Variants in ARSK observed in about 807,000 individuals in gnomAD.
ARSK encodes arylsulfatase family member K.
Under a neutral mutation model 53.2 loss-of-function variants are expected in ARSK, and 37 were observed. The observed-to-expected ratio is 0.70, with a 90% CI of 0.54 to 0.92. The LOEUF (loss-of-function observed/expected upper bound fraction) is 0.92, where lower values mean the gene tolerates loss of function less well. Among genes scored for constraint, ARSK ranks in the 40% least tolerant of loss-of-function variants. The pLI, the probability that ARSK is intolerant of heterozygous loss-of-function variation, is 0.00. For missense variants in ARSK, 613 were observed against 643.0 expected, an observed-to-expected ratio of 0.95 and a Z score of 0.51; for synonymous variants, 208 against 223.2, an observed-to-expected ratio of 0.93 and a Z score of 0.61.
intron 3 of ARSK, among the ~76,000 whole-genome samples, chr5:95,568,451 C>G (rs1353206383): frequency 6.6e-6 from 1 of 151,640 alleles, no homozygotes; most frequent in Non-Finnish European, 1.5e-5. Context: ...TTTCATTTTA[C>G]TAAGTCCTCA....
intron 5 of ARSK, among the ~76,000 whole-genome samples, chr5:95,588,217 T>A (rs185252498): frequency 6.6e-6 from 1 of 151,774 alleles, no homozygotes; most frequent in Non-Finnish European, 1.5e-5. Context: ...TTACAAAATT[T>A]ATGGAATATA....
intron 1 of ARSK, among the ~76,000 whole-genome samples, chr5:95,559,935 T>C (rs930940495): frequency 1.3e-5 from 2 of 152,180 alleles, no homozygotes; most frequent in African/African-American, 4.8e-5. Context: ...ATCTTGTATG[T>C]AGGATTCTAC....
At chr5:95,562,550 T>C (rs1748660503) in intron 1 of ARSK, among the ~76,000 whole-genome samples, 1 of 152,238 alleles carries the variant, frequency 6.6e-6, no homozygotes, top group Non-Finnish European at 1.5e-5. Flanking sequence ...TAAACTTCTC[T>C]GATTCTGCAT....
intron 1 of ARSK, among the ~76,000 whole-genome samples, chr5:95,565,259 T>C (rs1748707058): frequency 6.6e-6 from 1 of 152,190 alleles, no homozygotes; most frequent in African/African-American, 2.4e-5. Flanking sequence ...GCCTAATTTT[T>C]TTTTGTAGAA....
intron 3 of ARSK, 138 bp downstream of exon 3, chr5:95,568,187 C>T (rs1748762537): frequency 2.2e-6 from 2 of 922,394 alleles, no homozygotes; most frequent in African/African-American, 1.7e-5. Flanking sequence ...GTTAATTAGG[C>T]TGAAATTTTA....
Position 95,598,911 on chromosome 5 carries a change from C to T in ARSK, c.1097-1936C>T, listed in dbSNP as rs541049496. ...TGTAGGGCTCACTCTAGCCCCTCCT[C>T]GGGACACTGTCTAAATGTGACCTTC... On this transcript the variant is annotated intron_variant, in intron 6 of 7. Coordinates refer to ENST00000380009, the MANE Select transcript of ARSK (RefSeq NM_198150.3). 1.4e-4 allele frequency among the ~76,000 whole-genome samples: 21 copies of T among 152,322 alleles called. No homozygotes were observed. The South Asian group carries it at 2.9e-3, about 21-fold the overall frequency.
At chr5:95,574,172 T>G (rs560620321) in intron 3 of ARSK, among the ~76,000 whole-genome samples, 1 of 152,356 alleles carries the variant, frequency 6.6e-6, no homozygotes, top group South Asian at 2.1e-4. Context: ...TGCAAATTAC[T>G]GGATCTCATT....
At chr5:95,598,341 T>A (rs1335129713) in intron 6 of ARSK, among the ~76,000 whole-genome samples, 1 of 152,140 alleles carries the variant, frequency 6.6e-6, no homozygotes, top group Non-Finnish European at 1.5e-5. Context: ...AAAAGCAGTC[T>A]AAACTAAAGC....
intron 7 of ARSK, among the ~76,000 whole-genome samples, chr5:95,601,776 C>T (rs572273787): frequency 2.6e-5 from 4 of 152,278 alleles, no homozygotes; most frequent in Non-Finnish European, 5.9e-5. Flanking sequence ...AAATTATTAT[C>T]AAAATAATAC....
At chr5:95,571,638 G>T (rs1485810309) in intron 3 of ARSK, among the ~76,000 whole-genome samples, 3 of 152,166 alleles carry the variant, frequency 2.0e-5, no homozygotes, top group Non-Finnish European at 4.4e-5. Flanking sequence ...ACACTTAGAT[G>T]TTGATGTTTG....
At chr5:95,602,679 A>G (rs1054340794) in intron 7 of ARSK, among the ~76,000 whole-genome samples, 6 of 152,128 alleles carry the variant, frequency 3.9e-5, no homozygotes, top group Non-Finnish European at 7.4e-5. Flanking sequence ...ATTTATCATT[A>G]TTTTCTTGCT....
intron 5 of ARSK, among the ~76,000 whole-genome samples, chr5:95,590,800 C>T (rs1007200160): frequency 6.6e-6 from 1 of 152,190 alleles, no homozygotes; most frequent in Non-Finnish European, 1.5e-5. Flanking sequence ...ATTTTACTGT[C>T]CCATTATTCC....
intron 3 of ARSK, among the ~76,000 whole-genome samples, chr5:95,579,095 C>G (rs1011281664): frequency 6.6e-6 from 1 of 152,106 alleles, no homozygotes; most frequent in Non-Finnish European, 1.5e-5. Flanking sequence ...TGTTGAAGCT[C>G]CATTTTGATT....
intron 3 of ARSK, among the ~76,000 whole-genome samples, chr5:95,570,562 C>A (rs373927594): frequency 3.3e-5 from 5 of 152,282 alleles, no homozygotes; most frequent in African/African-American, 1.2e-4. Flanking sequence ...AGTTACCTGG[C>A]ATTAAGTGTC....
Position 95,603,297 on chromosome 5 carries a change from AT to A in ARSK, c.1384del (p.Ser462LeufsTer10). 1.9e-6 allele frequency: 3 copies of A among 1,601,288 alleles called. No homozygotes were observed. The highest frequency in any genetic ancestry group is 2.2e-5 in the East Asian group (1 of 44,706). ...GCTGTAAAATTTCCAGAAATTACTTATTCTTTGGATCAGAAGCTTCATTCCA... is the reference window on the plus strand; with the variant it reads ...GCTGTAAAATTTCCAGAAATTACTTATCTTTGGATCAGAAGCTTCATTCCA... ...NVAVKFPEIT[Y>X]SLDQKLHSII... On this transcript the variant is annotated frameshift_variant, in exon 8 of 8. Transcript: ENST00000380009. LOFTEE classifies it high-confidence loss of function.
chr5:95,577,670 C>T (rs1417630721), intron 3 of ARSK, among the ~76,000 whole-genome samples: 2 of 152,124 alleles, frequency 1.3e-5, no homozygotes, highest in Non-Finnish European at 2.9e-5. Flanking sequence ...GATGAATTCA[C>T]AAGCAGACCA....
intron 7 of ARSK, 48 bp from the exon 8 acceptor site, chr5:95,603,188 AT>A (rs1561371480): frequency 6.9e-7 from 1 of 1,439,412 alleles, no homozygotes. Context: ...TTCTAAAAAA[AT>A]TTTTAGCAGG....
intron 1 of ARSK, among the ~76,000 whole-genome samples, chr5:95,557,608 T>A (rs1748545223): frequency 6.6e-6 from 1 of 152,248 alleles, no homozygotes; most frequent in African/African-American, 2.4e-5. Context: ...GTAAAAATGT[T>A]GGTCTTTAAA....
chr5:95,594,550 T>A (rs1437528682), intron 6 of ARSK, among the ~76,000 whole-genome samples: 1 of 152,204 alleles, frequency 6.6e-6, no homozygotes, highest in Non-Finnish European at 1.5e-5. Context: ...ATATTAGAAA[T>A]AGTCCTTCTT....
Sources: allele counts gnomAD v4.1 joint callset (sites outside exome capture counted in the v4.1 genomes callset), GRCh38; gene constraint gnomAD v4.1.1; transcripts MANE v1.5; gene names NCBI Gene and HGNC (gene_info 2026-07-23, HGNC 2026-07-21).